PRELID3A: variants seen among roughly 807,000 people sequenced by gnomAD.
The protein encoded by PRELID3A is PRELI domain containing 3A.
Under a neutral mutation model 23.0 loss-of-function variants are expected in PRELID3A, and 27 were observed. The observed-to-expected ratio is 1.17, with a 90% CI of 0.87 to 1.62. PRELID3A has a LOEUF of 1.62. PRELID3A is among the 40% of genes most tolerant of loss of function. PRELID3A has a pLI of 0.00. For missense variants in PRELID3A, 231 were observed against 231.4 expected (o/e 1.00, Z 0.01); for synonymous variants, 87 against 86.4 (o/e 1.01, Z -0.04).
chr18:12,411,215 G>A (rs114486044), intron 1 of PRELID3A, among the ~76,000 whole-genome samples: 5,000 of 147,600 alleles, frequency 0.034, 266 homozygotes, highest in African/African-American at 0.12. Flanking sequence ...TATAGAAAGG[G>A]GCATTTAAAA....
rs1252855619 is a variant in PRELID3A, at chr18:12,426,398, C to CA, written c.292-637dup. ...TGAAACTCCGTCTCTACTAAAAATA[C>CA]AAAAAATTAGCTGGGCATGGTGGCA... On this transcript the variant is annotated intron_variant, in intron 3 of 6. Coordinates refer to ENST00000440960, the MANE Select transcript of PRELID3A (RefSeq NM_001142405.2). Among the ~76,000 whole-genome samples the CA allele has an allele frequency of 4.7e-5, 7 of 147,884 alleles. No individual in the cohort carries two copies. The East Asian group carries it at 8.0e-4, about 17-fold the overall frequency.
chr18:12,411,898 GTCT>G (rs1029554034), intron 1 of PRELID3A, among the ~76,000 whole-genome samples: 4 of 150,628 alleles, frequency 2.7e-5, no homozygotes, highest in East Asian at 3.9e-4. Context: ...GTGTCATATT[GTCT>G]TCTTTTCTTT....
At chr18:12,414,178 C>T (rs1397249454) in intron 1 of PRELID3A, among the ~76,000 whole-genome samples, 2 of 151,898 alleles carry the variant, frequency 1.3e-5, no homozygotes, top group Admixed American at 6.6e-5. Flanking sequence ...AGAGGGGCTT[C>T]TGGTGCACTT....
intron 1 of PRELID3A, among the ~76,000 whole-genome samples, chr18:12,408,561 C>T (rs1306101789): frequency 4.6e-5 from 7 of 152,274 alleles, no homozygotes; most frequent in South Asian, 2.1e-4. Flanking sequence ...TGGAAGGCCT[C>T]CAAGCTAGCG....
chr18:12,423,139 C>CGCCCTTGAGCCTTAGAGA (rs1487964583), intron 3 of PRELID3A, among the ~76,000 whole-genome samples: 41 of 152,268 alleles, frequency 2.7e-4, no homozygotes, highest in African/African-American at 9.6e-4. Context: ...TGGCAGTGGG[C>CGCCCTTGAGCCTTAGAGA]GCCCTTGAGC....
At chr18:12,412,860 T>C (rs1909962688) in intron 1 of PRELID3A, among the ~76,000 whole-genome samples, 1 of 152,264 alleles carries the variant, frequency 6.6e-6, no homozygotes, top group Admixed American at 6.5e-5. Flanking sequence ...AAACCTGTTA[T>C]AATGTTTCTG....
chr18:12,426,563 A>AAAAAAAAAGAAAAAG (rs67993774), intron 3 of PRELID3A, among the ~76,000 whole-genome samples: 1 of 87,720 alleles, frequency 1.1e-5, no homozygotes, highest in South Asian at 4.9e-4. Context: ...CAAAAAAAAA[A>AAAAAAAAAGAAAAAG]AAAGTATAAA....
chr18:12,418,923 TC>T (rs2030046706), intron 1 of PRELID3A, among the ~76,000 whole-genome samples: 1 of 152,178 alleles, frequency 6.6e-6, no homozygotes, highest in South Asian at 2.1e-4. Context: ...GTGCGGTGGC[TC>T]ATGCCCATAA....
intron 1 of PRELID3A, 38 bp downstream of exon 1, chr18:12,408,045 A>G: frequency 8.0e-7 from 1 of 1,245,140 alleles, no homozygotes. Flanking sequence ...GGCCGTCCAG[A>G]CGCCGGCTCC....
chr18:12,429,458 C>G (rs1050429790), intron 6 of PRELID3A, 22 bp downstream of exon 6: 4 of 1,509,878 alleles, frequency 2.6e-6, no homozygotes, highest in African/African-American at 1.4e-5. Context: ...ATTCACTCAC[C>G]TGGGGGGGTA....
At chr18:12,430,648 G>C (rs2030551479) in intron 6 of PRELID3A, among the ~76,000 whole-genome samples, 2 of 143,740 alleles carry the variant, frequency 1.4e-5, no homozygotes, top group South Asian at 4.7e-4. Context: ...TGTGTGGTAT[G>C]TGTCGTGTGT....
intron 1 of PRELID3A, among the ~76,000 whole-genome samples, chr18:12,410,545 G>A (rs758981024): frequency 4.0e-4 from 61 of 152,080 alleles, no homozygotes; most frequent in Non-Finnish European, 7.6e-4. Context: ...CTTCCTGGCT[G>A]GACTTACTGT....
Position 12,421,637 on chromosome 18 carries a change from A to G in PRELID3A, c.291+8A>G, listed in dbSNP as rs1349571488. 6.3e-7 allele frequency: 1 copy of G among 1,585,754 alleles called. No homozygotes were observed. The highest frequency in any genetic ancestry group is 2.2e-5 in the East Asian group (1 of 44,692). On this transcript the variant is annotated splice_region_variant and intron_variant, in intron 3 of 6. Coordinates refer to ENST00000440960, the MANE Select transcript of PRELID3A (RefSeq NM_001142405.2). ...GAACTTTGTTCTACCAATGTAAGCA[A>G]TGGCCTCAGATGAGAAACGGGCTCA...
intron 5 of PRELID3A, 83 bp from the exon 6 acceptor site, chr18:12,429,267 G>C: frequency 8.2e-7 from 1 of 1,214,318 alleles, no homozygotes; most frequent in East Asian, 2.3e-5. Flanking sequence ...GCCTTCTGCA[G>C]TTTAGCCTGT....
In PRELID3A at chr18:12,421,676, G is replaced by A. The variant is rs762511390; in HGVS notation, c.291+47G>A. On this transcript the variant is annotated intron_variant, in intron 3 of 6. Transcript: ENST00000440960. Reference sequence around the variant, plus strand: ...GAAACGGGCTCAGTGTGTCTGGGTGGTGGTGCGTAAGGCCTTCGTTTAATT... The same window carrying A: ...GAAACGGGCTCAGTGTGTCTGGGTGATGGTGCGTAAGGCCTTCGTTTAATT... 4 of 1,325,192 alleles carry A rather than the reference G, an allele frequency of 3.0e-6. No homozygotes were observed. In the African/African-American group the frequency reaches 5.8e-5, roughly 19 times the overall value. 82.1% of individuals were successfully genotyped at this position (1,325,192 alleles called of 1,614,324 possible).
chr18:12,410,606 A>C (rs1217687082), intron 1 of PRELID3A: 1 of 152,014 alleles, frequency 6.6e-6, no homozygotes, highest in African/African-American at 2.4e-5. Flanking sequence ...TTTTCCTTTG[A>C]GGATTATAGA....
Position 12,429,845 on chromosome 18 carries a change from C to T in PRELID3A, c.*33+409C>T, listed in dbSNP as rs1263186945. On this transcript the variant is annotated intron_variant, in intron 6 of 6. Transcript: ENST00000440960. ...GCGAGGTCCTGTGCCCACCTCTTCA[C>T]TTGCCCCAAGCCAGTACATGGCCAC... Among the ~76,000 whole-genome samples the T allele has an allele frequency of 7.2e-5, 11 of 152,270 alleles. 1 individual carries two copies. Among genetic ancestry groups the T allele is most frequent in the East Asian group, 3.8e-4 (2 of 5,198 alleles).
At chr18:12,429,236 C>T in intron 5 of PRELID3A, 114 bp from the exon 6 acceptor site, 1 of 827,384 alleles carries the variant, frequency 1.2e-6, no homozygotes, top group Non-Finnish European at 2.1e-6. Flanking sequence ...ACTGCTGTGT[C>T]TCCTTGTAAC....
At position 12,427,075 on chromosome 18, in the gene PRELID3A, G is replaced by C. The variant is rs1177665243; in HGVS notation, c.326G>C (p.Arg109Thr). Residue 109 changes from arginine (R) to threonine (T), a missense_variant, in exon 4 of 7, where the codon AGG becomes ACG. Physicochemically the swap from Arg to Thr is moderately conservative, Grantham distance 71. Coordinates refer to ENST00000440960, the MANE Select transcript of PRELID3A (RefSeq NM_001142405.2). Reference sequence around the variant, plus strand: ...ACAAATTTGGTGTCAGTTAATGAGAGGTTGGTGTACACACCTCATCCAGAG... The same window carrying C: ...ACAAATTTGGTGTCAGTTAATGAGACGTTGGTGTACACACCTCATCCAGAG... The part of the protein sequence containing the change: ...TLTNLVSVNE[R>T]LVYTPHPENP... The C allele has an allele frequency of 1.2e-6, 2 of 1,613,574 alleles. No individual in the cohort carries two copies. The highest frequency in any genetic ancestry group is 1.7e-6 in the Non-Finnish European group (2 of 1,179,546).
Sources: allele counts gnomAD v4.1 joint callset (sites outside exome capture counted in the v4.1 genomes callset), GRCh38; gene constraint gnomAD v4.1.1; transcripts MANE v1.5; gene names NCBI Gene and HGNC (gene_info 2026-07-23, HGNC 2026-07-21).